AXDND1: variants seen among roughly 807,000 people sequenced by gnomAD.
The protein encoded by AXDND1 is axonemal dynein light chain domain-containing protein 1.
A neutral mutation model predicts 137.5 loss-of-function variants in AXDND1; 110 were observed. The ratio of observed to expected loss-of-function variants is 0.80; its 90% CI spans 0.69 to 0.94. The LOEUF (loss-of-function observed/expected upper bound fraction) is 0.94, where lower values mean the gene tolerates loss of function less well. Ranked by LOEUF, AXDND1 falls within the 40% of genes least tolerant of loss-of-function variation. AXDND1 has a pLI of 0.00. For missense variants in AXDND1, 1,191 were observed against 1,169.8 expected (o/e 1.02, Z -0.26); for synonymous variants, 414 against 399.7 (o/e 1.04, Z -0.43).
intron 15 of AXDND1, among the ~76,000 whole-genome samples, chr1:179,439,680 T>G (rs1009871583): frequency 6.6e-6 from 1 of 152,230 alleles, no homozygotes. Context: ...GTTTCTCAGC[T>G]TCCTGCATGG....
chr1:179,484,289 A>G (rs11584680), intron 18 of AXDND1, among the ~76,000 whole-genome samples: 54,603 of 152,026 alleles, frequency 0.36, 9,905 homozygotes, highest in Middle Eastern at 0.44. Context: ...GGTTTGGTGC[A>G]GGAGCATCTA....
intron 4 of AXDND1, among the ~76,000 whole-genome samples, chr1:179,371,524 C>A (rs1668033209): frequency 6.6e-6 from 1 of 152,148 alleles, no homozygotes; most frequent in African/African-American, 2.4e-5. Flanking sequence ...AATGCCCCCT[C>A]AACCCCACGA....
At chr1:179,385,405 A>T in intron 9 of AXDND1, 46 bp downstream of exon 9, 1 of 1,607,532 alleles carries the variant, frequency 6.2e-7, no homozygotes, top group African/African-American at 1.3e-5. Flanking sequence ...TGATTTTTAT[A>T]TTAGATTTGT....
intron 21 of AXDND1, among the ~76,000 whole-genome samples, chr1:179,510,917 T>C (rs1020877022): frequency 1.5e-4 from 19 of 126,594 alleles, no homozygotes; most frequent in Admixed American, 5.2e-4. Context: ...TCCCCCCAAA[T>C]CCCCAAAGTC....
At chr1:179,437,654 G>T (rs561493746) in intron 15 of AXDND1, among the ~76,000 whole-genome samples, 35 of 147,796 alleles carry the variant, frequency 2.4e-4, no homozygotes, top group African/African-American at 7.0e-4. Flanking sequence ...CGGTCCATCC[G>T]ATTTTACAGA....
At chr1:179,398,287 T>G (rs1313555840) in intron 11 of AXDND1, among the ~76,000 whole-genome samples, 6 of 152,182 alleles carry the variant, frequency 3.9e-5, no homozygotes, top group Non-Finnish European at 8.8e-5. Context: ...TCCTGGACCG[T>G]GTACTCCAAC....
chr1:179,477,538 C>G (rs1436587919), intron 17 of AXDND1, among the ~76,000 whole-genome samples: 3 of 152,138 alleles, frequency 2.0e-5, no homozygotes, highest in African/African-American at 7.2e-5. Flanking sequence ...GACTTATTCA[C>G]TACCATGAGA....
At chr1:179,456,558 G>A (rs1235374961) in intron 16 of AXDND1, 1 of 777,902 alleles carries the variant, frequency 1.3e-6, no homozygotes, top group Non-Finnish European at 2.3e-6. Context: ...GCTTCCTCCG[G>A]AGTAACCAGG....
chr1:179,393,246 T>G (rs555989633), intron 9 of AXDND1, among the ~76,000 whole-genome samples: 165 of 152,310 alleles, frequency 1.1e-3, no homozygotes, highest in Non-Finnish European at 1.9e-3. Flanking sequence ...CATTATGTTT[T>G]TGTATGCTTT....
intron 12 of AXDND1, among the ~76,000 whole-genome samples, chr1:179,422,885 T>G (rs907156379): frequency 6.6e-5 from 10 of 152,264 alleles, no homozygotes; most frequent in Admixed American, 5.9e-4. Context: ...TGCCTCCATC[T>G]CCCAAGTAGC....
intron 8 of AXDND1, among the ~76,000 whole-genome samples, 164 bp from the exon 9 acceptor site, chr1:179,385,074 T>A (rs1648986504): frequency 6.6e-6 from 1 of 152,164 alleles, no homozygotes; most frequent in Admixed American, 6.6e-5. Flanking sequence ...AGACCAGCAT[T>A]TAAAAATCAA....
chr1:179,533,223 T>C (rs979669359), intron 23 of AXDND1: 1 of 152,208 alleles, frequency 6.6e-6, no homozygotes, highest in Non-Finnish European at 1.5e-5. Flanking sequence ...GTTTTTGTCC[T>C]CTAAATTTCC....
At chr1:179,547,856 G>C (rs1277473383) in intron 25 of AXDND1, among the ~76,000 whole-genome samples, 1 of 152,074 alleles carries the variant, frequency 6.6e-6, no homozygotes, top group Non-Finnish European at 1.5e-5. Flanking sequence ...GGTACTACTG[G>C]TAATTCAGCT....
intron 11 of AXDND1, 31 bp downstream of exon 11, chr1:179,395,233 T>A (rs201924650): frequency 1.3e-6 from 2 of 1,567,420 alleles, no homozygotes; most frequent in Non-Finnish European, 1.7e-6. Context: ...TTAGCTTACA[T>A]AGGGGAAAAG....
At chr1:179,492,371 A>G (rs1221927240) in intron 19 of AXDND1, among the ~76,000 whole-genome samples, 1 of 152,000 alleles carries the variant, frequency 6.6e-6, no homozygotes, top group Non-Finnish European at 1.5e-5. Context: ...CACCATGCCC[A>G]GCCCTGAATG....
intron 9 of AXDND1, among the ~76,000 whole-genome samples, chr1:179,386,196 C>T (rs972371721): frequency 2.6e-5 from 4 of 151,858 alleles, no homozygotes; most frequent in East Asian, 3.9e-4. Flanking sequence ...GGATTACAGG[C>T]GCCTGCCACC....
chr1:179,492,474 T>C (rs569956590), intron 19 of AXDND1, among the ~76,000 whole-genome samples: 3 of 151,416 alleles, frequency 2.0e-5, no homozygotes, highest in African/African-American at 7.3e-5. Context: ...CCCTTATATC[T>C]GAAAAGCTAG....
chr1:179,493,548 T>C (rs1053200814), intron 20 of AXDND1, among the ~76,000 whole-genome samples: 15 of 152,192 alleles, frequency 9.9e-5, no homozygotes, highest in African/African-American at 3.6e-4. Flanking sequence ...ACATGGAATG[T>C]GTGTGTTTAA....
At chr1:179,459,694 TCTTTCTTTC>T (rs1661947375) in intron 16 of AXDND1, among the ~76,000 whole-genome samples, 1 of 141,358 alleles carries the variant, frequency 7.1e-6, no homozygotes, top group Non-Finnish European at 1.5e-5. Flanking sequence ...TTCTTTTCTT[TCTTTCTTTC>T]CTTTCTTTCT....
Sources: allele counts gnomAD v4.1 joint callset (sites outside exome capture counted in the v4.1 genomes callset), GRCh38; gene constraint gnomAD v4.1.1; transcripts MANE v1.5; gene names NCBI Gene and HGNC (gene_info 2026-07-23, HGNC 2026-07-21).